PARD3B: variants seen among roughly 807,000 people sequenced by gnomAD.
PARD3B encodes partitioning defective 3 homolog B.
PARD3B carries 103 observed loss-of-function variants against 130.2 expected under a neutral mutation model. The ratio of observed to expected loss-of-function variants is 0.79; its 90% confidence interval spans 0.67 to 0.93. The LOEUF is 0.93. PARD3B is among the 40% of genes least tolerant of loss of function. The probability of loss-of-function intolerance (pLI) is 0.00; values close to 1 mark genes in which losing one functional copy is unlikely to be tolerated. For missense variants in PARD3B, 1,609 were observed against 1,499.2 expected (o/e 1.07, Z -1.21); for synonymous variants, 583 against 553.2 (o/e 1.05, Z -0.76).
chr2:204,944,682 G>A (rs1689171001), intron 2 of PARD3B, among the ~76,000 whole-genome samples: 2 of 152,188 alleles, frequency 1.3e-5, no homozygotes, highest in Admixed American at 1.3e-4. Context: ...CTTAAAAATA[G>A]TGAGTTTTCT....
At chr2:205,454,899 A>T (rs1404123176) in intron 20 of PARD3B, among the ~76,000 whole-genome samples, 1 of 152,138 alleles carries the variant, frequency 6.6e-6, no homozygotes. Context: ...AGTCAAACAC[A>T]AGATAAGAAT....
intron 20 of PARD3B, among the ~76,000 whole-genome samples, chr2:205,492,560 G>A (rs2049758478): frequency 6.6e-6 from 1 of 152,078 alleles, no homozygotes; most frequent in African/African-American, 2.4e-5. Context: ...TTAGAAAGAA[G>A]TATCCCCAAA....
At chr2:205,094,908 A>G (rs893032116) in intron 4 of PARD3B, among the ~76,000 whole-genome samples, 1 of 152,132 alleles carries the variant, frequency 6.6e-6, no homozygotes, top group Non-Finnish European at 1.5e-5. Flanking sequence ...AATTATCCCA[A>G]CTTCCTTAAG....
At chr2:205,129,087 TA>T (rs2031739618) in intron 10 of PARD3B, among the ~76,000 whole-genome samples, 1 of 152,230 alleles carries the variant, frequency 6.6e-6, no homozygotes, top group South Asian at 2.1e-4. Context: ...GGTATATGCT[TA>T]GTATTCATTC....
At chr2:205,431,745 A>G (rs2047345437) in intron 19 of PARD3B, among the ~76,000 whole-genome samples, 1 of 152,200 alleles carries the variant, frequency 6.6e-6, no homozygotes, top group Non-Finnish European at 1.5e-5. Context: ...CTGGGATTAC[A>G]GACGTGAGCC....
intron 2 of PARD3B, among the ~76,000 whole-genome samples, chr2:204,947,526 G>A (rs1463446611): frequency 6.8e-6 from 1 of 147,932 alleles, no homozygotes; most frequent in African/African-American, 2.5e-5. Flanking sequence ...CTATTTTCAA[G>A]GTATCCCTTC....
At chr2:204,857,615 A>T (rs745914351) in intron 2 of PARD3B, among the ~76,000 whole-genome samples, 9 of 152,180 alleles carry the variant, frequency 5.9e-5, no homozygotes, top group Non-Finnish European at 1.0e-4. Context: ...ATATTTTTGG[A>T]CAAAGGGAGT....
Position 204,579,116 on chromosome 2 carries a change from AATC to A in PARD3B, c.120+33029_120+33031del, listed in dbSNP as rs374676828. ...GGCTGGGGGCGGGGATATGAAAGGAAATCATCATCATCATCATCATCATCATCA... is the reference window on the plus strand; with the variant it reads ...GGCTGGGGGCGGGGATATGAAAGGAAATCATCATCATCATCATCATCATCA... On this transcript the variant is annotated intron_variant, in intron 1 of 22. Coordinates refer to ENST00000406610, the MANE Select transcript of PARD3B (RefSeq NM_001302769.2). Among the ~76,000 whole-genome samples, 609 of 150,758 alleles carry A rather than the reference AATC, an allele frequency of 4.0e-3. 15 individuals carry two copies. The highest frequency in any genetic ancestry group is 0.026 in the Admixed American group (389 of 15,114).
chr2:205,050,203 A>G (rs1699096227), intron 4 of PARD3B, among the ~76,000 whole-genome samples: 1 of 148,420 alleles, frequency 6.7e-6, no homozygotes, highest in African/African-American at 2.4e-5. Context: ...ATATAAATAT[A>G]TAATAATACT....
intron 16 of PARD3B, among the ~76,000 whole-genome samples, chr2:205,251,313 A>G (rs2039839527): frequency 6.6e-6 from 1 of 152,140 alleles, no homozygotes; most frequent in Non-Finnish European, 1.5e-5. Context: ...TGTATGAGAG[A>G]GAAGATGTGC....
chr2:205,284,085 C>G (rs148194276), intron 16 of PARD3B, among the ~76,000 whole-genome samples: 1 of 152,154 alleles, frequency 6.6e-6, no homozygotes, highest in Non-Finnish European at 1.5e-5. Context: ...CTGACATTAA[C>G]GTTTGAAAAG....
intron 4 of PARD3B, among the ~76,000 whole-genome samples, chr2:205,057,311 ATATG>A (rs1257659129): frequency 6.8e-6 from 1 of 147,894 alleles, no homozygotes; most frequent in African/African-American, 2.5e-5. Flanking sequence ...ATGTATTCGT[ATATG>A]TATGTTATAT....
chr2:205,277,226 C>G (rs1226621281), intron 16 of PARD3B, among the ~76,000 whole-genome samples: 1 of 152,208 alleles, frequency 6.6e-6, no homozygotes, highest in Non-Finnish European at 1.5e-5. Context: ...CAGGTATATA[C>G]ACAAACAATG....
intron 2 of PARD3B, among the ~76,000 whole-genome samples, chr2:204,812,598 G>A (rs956298408): frequency 1.5e-4 from 23 of 152,106 alleles, no homozygotes; most frequent in Admixed American, 1.5e-3. Context: ...ACTTGGGAGG[G>A]GCCGCATGCT....
intron 2 of PARD3B, among the ~76,000 whole-genome samples, chr2:204,856,038 T>A (rs1215304665): frequency 6.6e-6 from 1 of 152,198 alleles, no homozygotes; most frequent in Non-Finnish European, 1.5e-5. Flanking sequence ...CTTTGACATG[T>A]TGATTTCATT....
chr2:205,133,945 G>C (rs371990499), intron 10 of PARD3B, among the ~76,000 whole-genome samples: 38 of 152,318 alleles, frequency 2.5e-4, no homozygotes, highest in African/African-American at 8.4e-4. Context: ...ATATTGGGTT[G>C]TTGGTATTTG....
At chr2:204,973,936 A>G (rs1691922547) in intron 3 of PARD3B, among the ~76,000 whole-genome samples, 1 of 152,194 alleles carries the variant, frequency 6.6e-6, no homozygotes, top group Admixed American at 6.5e-5. Flanking sequence ...AATGTTTACC[A>G]GATAAAAGAC....
chr2:205,113,445 T>C (rs776643705), intron 5 of PARD3B, 46 bp from the exon 6 acceptor site: 2 of 1,415,336 alleles, frequency 1.4e-6, no homozygotes, highest in Non-Finnish European at 2.0e-6. Flanking sequence ...GCTCCCTCTG[T>C]TTTTTAGCAG....
At chr2:205,574,085 T>A (rs1163162610) in intron 22 of PARD3B, among the ~76,000 whole-genome samples, 1 of 152,164 alleles carries the variant, frequency 6.6e-6, no homozygotes, top group East Asian at 1.9e-4. Flanking sequence ...TTTCAAAATT[T>A]TAGAAACCAC....
Sources: allele counts gnomAD v4.1 joint callset (sites outside exome capture counted in the v4.1 genomes callset), GRCh38; gene constraint gnomAD v4.1.1; transcripts MANE v1.5; gene names NCBI Gene and HGNC (gene_info 2026-07-23, HGNC 2026-07-21).